ANKRD30A: variants seen among roughly 807,000 people sequenced by gnomAD.
ANKRD30A encodes ankyrin repeat domain-containing protein 30A.
Under a neutral mutation model 166.3 loss-of-function variants are expected in ANKRD30A, and 170 were observed. That is an observed-to-expected ratio of 1.02 (90% CI 0.90 to 1.16). The LOEUF (loss-of-function observed/expected upper bound fraction) is 1.16, where lower values mean the gene tolerates loss of function less well. Ranked by LOEUF, ANKRD30A falls within the 50% of genes most tolerant of loss-of-function variation. ANKRD30A has a pLI of 0.00. For synonymous variants in ANKRD30A, 564 were observed against 508.9 expected, an observed-to-expected ratio of 1.11 and a Z score of -1.46; for missense variants, 1,630 against 1,518.0, an observed-to-expected ratio of 1.07 and a Z score of -1.23.
At chr10:37,204,129 A>AG (rs1841832230) in intron 31 of ANKRD30A, among the ~76,000 whole-genome samples, 1 of 151,966 alleles carries the variant, frequency 6.6e-6, no homozygotes. Flanking sequence ...ACAGAATTGG[A>AG]AAAACTACTT....
chr10:37,193,516 C>T (rs1840778880), intron 27 of ANKRD30A, among the ~76,000 whole-genome samples: 1 of 151,928 alleles, frequency 6.6e-6, no homozygotes, highest in Non-Finnish European at 1.5e-5. Flanking sequence ...TTCCAATTTG[C>T]AATTTCTGTA....
intron 25 of ANKRD30A, among the ~76,000 whole-genome samples, 195 bp downstream of exon 25, chr10:37,189,752 C>A (rs1197972842): frequency 6.7e-6 from 1 of 149,636 alleles, no homozygotes; most frequent in Non-Finnish European, 1.5e-5. Context: ...TGAAGAGGAG[C>A]TGAATTACTA....
chr10:37,233,139 A>T (rs1349137088), downstream of ANKRD30A, among the ~76,000 whole-genome samples: 1 of 152,088 alleles, frequency 6.6e-6, no homozygotes, highest in Non-Finnish European at 1.5e-5. Context: ...ATTCTAGAGG[A>T]GCAAATCTAA....
At position 37,227,345 on chromosome 10, in the gene ANKRD30A, C is replaced by T. The variant is rs1436137076; in HGVS notation, c.4186-4116C>T. On this transcript the variant is annotated intron_variant, in intron 34 of 35. Transcript: ENST00000361713. ...GTGGGACTCCAACTTTTTTCTTTTG[C>T]ATATGGATATCCATTTGTCCCAGAA... 2.0e-5 allele frequency among the ~76,000 whole-genome samples: 3 copies of T among 151,940 alleles called. No homozygotes were observed. In the East Asian group the frequency reaches 5.8e-4, roughly 30 times the overall value.
At chr10:37,154,719 G>A (rs931408134) in intron 13 of ANKRD30A, among the ~76,000 whole-genome samples, 1 of 152,146 alleles carries the variant, frequency 6.6e-6, no homozygotes, top group Non-Finnish European at 1.5e-5. Context: ...GGACAAGAGA[G>A]AAGCCAGCTA....
chr10:37,132,804 C>T (rs959756876), intron 4 of ANKRD30A, among the ~76,000 whole-genome samples: 1 of 152,080 alleles, frequency 6.6e-6, no homozygotes, highest in Non-Finnish European at 1.5e-5. Flanking sequence ...TTGAGACCAG[C>T]CTAACCAACA....
chr10:37,213,579 C>A (rs199917587), intron 31 of ANKRD30A, among the ~76,000 whole-genome samples: 2 of 72,632 alleles, frequency 2.8e-5, no homozygotes, highest in South Asian at 4.4e-4. Flanking sequence ...TTTTTGGTTT[C>A]TTAAGGTAAA....
the ANKRD30A span, among the ~76,000 whole-genome samples, chr10:37,245,137 A>T: frequency 6.6e-6 from 1 of 152,208 alleles, no homozygotes; most frequent in Non-Finnish European, 1.5e-5. Context: ...ATTTTAAAAA[A>T]TTTCACATAG....
intron 35 of ANKRD30A, among the ~76,000 whole-genome samples, chr10:37,231,977 A>G (rs73245477): frequency 2.8e-4 from 43 of 152,126 alleles, no homozygotes; most frequent in African/African-American, 9.9e-4. Flanking sequence ...TTTCCTAGTA[A>G]CTAAATATAT....
At chr10:37,207,972 G>A (rs902730865) in intron 31 of ANKRD30A, among the ~76,000 whole-genome samples, 2 of 152,046 alleles carry the variant, frequency 1.3e-5, no homozygotes, top group African/African-American at 4.8e-5. Flanking sequence ...AAGAAAATGA[G>A]GGTTGATATT....
intron 34 of ANKRD30A, among the ~76,000 whole-genome samples, chr10:37,227,659 T>C (rs1354420967): frequency 1.3e-5 from 2 of 151,990 alleles, no homozygotes; most frequent in South Asian, 2.1e-4. Context: ...GCTGACTCCA[T>C]GACTTGATGG....
chr10:37,252,676 T>C, the ANKRD30A span, among the ~76,000 whole-genome samples: 3 of 151,786 alleles, frequency 2.0e-5, no homozygotes, highest in African/African-American at 7.3e-5. Flanking sequence ...GTTTATAAAA[T>C]TTACAGTTTT....
intron 31 of ANKRD30A, among the ~76,000 whole-genome samples, chr10:37,203,432 A>G (rs912230681): frequency 6.6e-6 from 1 of 152,234 alleles, no homozygotes; most frequent in Non-Finnish European, 1.5e-5. Flanking sequence ...ACAAAATTCA[A>G]CAGCACTTCA....
rs1235623050 is a variant in ANKRD30A, at chr10:37,219,778, T to C, written c.4066T>C (p.Phe1356Leu). ...AAGCAAGATAACAATTGATATTCAT[T>C]TTCTTGAGAGGAAAATGCAACATCA... The part of the protein sequence containing the change: ...NKSKITIDIH[F>L]LERKMQHHLL... The change falls in exon 34 of 36, where the codon TTT becomes CTT. Residue 1356 changes from phenylalanine (F) to leucine (L), a missense_variant. By Grantham distance (22) the Phe-to-Leu change is conservative. Around this residue, in one of 4 missense-constraint regions of ANKRD30A, gnomAD observed 712 missense variants for 629.3 expected, o/e 1.13. Coordinates refer to ENST00000361713, the MANE Select transcript of ANKRD30A (RefSeq NM_052997.3). 2 of 1,607,908 alleles carry C rather than the reference T, an allele frequency of 1.2e-6. No homozygotes were observed. The highest frequency in any genetic ancestry group is 1.7e-6 in the Non-Finnish European group (2 of 1,176,404).
chr10:37,201,985 G>A (rs751623084), intron 31 of ANKRD30A, among the ~76,000 whole-genome samples: 2 of 152,050 alleles, frequency 1.3e-5, no homozygotes, highest in South Asian at 4.1e-4. Flanking sequence ...AATTCACACT[G>A]TGATTCAGCT....
At chr10:37,207,275 T>A (rs1842050211) in intron 31 of ANKRD30A, among the ~76,000 whole-genome samples, 1 of 152,164 alleles carries the variant, frequency 6.6e-6, no homozygotes, top group Admixed American at 6.6e-5. Context: ...ATAAGATAAA[T>A]TAAAGAATAT....
chr10:37,162,625 T>G (rs370242152), intron 15 of ANKRD30A, 24 bp from the exon 16 acceptor site: 1 of 1,611,806 alleles, frequency 6.2e-7, no homozygotes, highest in African/African-American at 1.3e-5. Context: ...ATATGATTGA[T>G]GATAAATCTC....
chr10:37,205,505 G>A (rs1346545761), intron 31 of ANKRD30A, among the ~76,000 whole-genome samples: 1 of 152,170 alleles, frequency 6.6e-6, no homozygotes, highest in African/African-American at 2.4e-5. Context: ...TGTAAATGAC[G>A]AGTTAATGGG....
chr10:37,203,601 C>G (rs940848065), intron 31 of ANKRD30A, among the ~76,000 whole-genome samples: 3 of 152,182 alleles, frequency 2.0e-5, no homozygotes, highest in African/African-American at 7.2e-5. Flanking sequence ...TCTCTCACCA[C>G]TGCTATTCAA....
Sources: allele counts gnomAD v4.1 joint callset (sites outside exome capture counted in the v4.1 genomes callset), GRCh38; gene constraint gnomAD v4.1.1; regional missense constraint gnomAD v4.1.1; transcripts MANE v1.5; gene names NCBI Gene and HGNC (gene_info 2026-07-23, HGNC 2026-07-21).